SYBU: variants seen among roughly 807,000 people sequenced by gnomAD.
The protein encoded by SYBU is GOLSYN A protein.
A neutral mutation model predicts 35.9 loss-of-function variants in SYBU; 21 were observed. The observed-to-expected ratio is 0.58, with a 90% CI of 0.41 to 0.84. The LOEUF is 0.84. Ranked by LOEUF, SYBU falls within the 40% of genes least tolerant of loss-of-function variation. The pLI, the probability that SYBU is intolerant of heterozygous loss-of-function variation, is 0.00. For synonymous variants in SYBU, 319 were observed against 324.3 expected (o/e 0.98, Z 0.18); for missense variants, 768 against 848.2 (o/e 0.91, Z 1.17).
At chr8:109,607,347 A>G (rs1826167648) in intron 3 of SYBU, among the ~76,000 whole-genome samples, 1 of 152,182 alleles carries the variant, frequency 6.6e-6, no homozygotes, top group Non-Finnish European at 1.5e-5. Flanking sequence ...CTGGCCAGAG[A>G]GATGTGTTCT....
intron 3 of SYBU, among the ~76,000 whole-genome samples, chr8:109,609,377 T>C (rs994313867): frequency 6.6e-6 from 1 of 152,242 alleles, no homozygotes; most frequent in African/African-American, 2.4e-5. Context: ...ATTATTCCTA[T>C]GGTATGACTC....
chr8:109,591,079 C>G (rs1025325402), intron 3 of SYBU, among the ~76,000 whole-genome samples: 1 of 152,192 alleles, frequency 6.6e-6, no homozygotes, highest in Admixed American at 6.5e-5. Context: ...AGTTGTCCAT[C>G]GACAGTGACT....
chr8:109,581,133 C>G (rs765293402), intron 4 of SYBU: 2 of 152,266 alleles, frequency 1.3e-5, no homozygotes, highest in Non-Finnish European at 2.9e-5. Context: ...GGCGTCACAA[C>G]TGCATACTTA....
At chr8:109,635,054 C>A (rs1814064815) in intron 2 of SYBU, among the ~76,000 whole-genome samples, 1 of 152,120 alleles carries the variant, frequency 6.6e-6, no homozygotes, top group African/African-American at 2.4e-5. Context: ...ATTATCTGTT[C>A]CCCATCCCAG....
At chr8:109,616,592 T>C (rs1286237650) in intron 3 of SYBU, among the ~76,000 whole-genome samples, 1 of 151,964 alleles carries the variant, frequency 6.6e-6, no homozygotes, top group East Asian at 1.9e-4. Context: ...GCCATCACCA[T>C]AAAATGTTTT....
intron 1 of SYBU, among the ~76,000 whole-genome samples, chr8:109,676,252 C>A (rs145387547): frequency 9.6e-4 from 146 of 152,304 alleles, no homozygotes; most frequent in African/African-American, 3.4e-3. Flanking sequence ...TCCGTCATCA[C>A]TCCTATTCAA....
chr8:109,681,036 T>C (rs1053624229), upstream of SYBU: 7 of 152,238 alleles, frequency 4.6e-5, no homozygotes, highest in Admixed American at 3.9e-4. Flanking sequence ...GTATTTCCCT[T>C]GTGCACTAGT....
chr8:109,633,586 T>C (rs1813873263), intron 2 of SYBU, among the ~76,000 whole-genome samples: 1 of 152,120 alleles, frequency 6.6e-6, no homozygotes, highest in African/African-American at 2.4e-5. Context: ...GGCACCAGGT[T>C]AGGAGGCACT....
At chr8:109,663,856 G>T (rs887746649) in intron 1 of SYBU, among the ~76,000 whole-genome samples, 2 of 152,026 alleles carry the variant, frequency 1.3e-5, no homozygotes, top group African/African-American at 2.4e-5. Flanking sequence ...CTATACTTCT[G>T]ATTTAAAATT....
intron 3 of SYBU, among the ~76,000 whole-genome samples, chr8:109,612,983 AAAAAAAAAAAAAAGAAG>A (rs1169814108): frequency 2.0e-5 from 3 of 149,414 alleles, no homozygotes; most frequent in African/African-American, 4.9e-5. Context: ...CTGTTAAAAA[AAAAAAAAAAAAAAGAAG>A]AAGAAGAAAA....
At chr8:109,611,039 A>G (rs1811111421) in intron 3 of SYBU, among the ~76,000 whole-genome samples, 1 of 152,212 alleles carries the variant, frequency 6.6e-6, no homozygotes, top group South Asian at 2.1e-4. Context: ...TATCTGCATG[A>G]TCTACAATGC....
chr8:109,611,002 G>T, intron 3 of SYBU, among the ~76,000 whole-genome samples: 1 of 152,226 alleles, frequency 6.6e-6, no homozygotes, highest in East Asian at 1.9e-4. Context: ...CAATTAGGGA[G>T]GTGGGGAAAG....
chr8:109,621,658 T>C (rs544679661), intron 2 of SYBU, among the ~76,000 whole-genome samples: 93 of 152,330 alleles, frequency 6.1e-4, no homozygotes, highest in African/African-American at 2.0e-3. Context: ...TGGTGGAGTT[T>C]ATAAATAAGC....
chr8:109,604,112 G>A (rs1586803642), intron 3 of SYBU, among the ~76,000 whole-genome samples: 1 of 152,110 alleles, frequency 6.6e-6, no homozygotes, highest in African/African-American at 2.4e-5. Flanking sequence ...AAAAGAAAAC[G>A]TGATCTTATT....
intron 1 of SYBU, among the ~76,000 whole-genome samples, chr8:109,676,030 G>A (rs754218147): frequency 1.2e-4 from 19 of 152,208 alleles, no homozygotes; most frequent in Non-Finnish European, 2.2e-4. Context: ...CAGAGCCAAC[G>A]ACAAAAACCA....
chr8:109,636,763 T>C (rs1317941107), intron 2 of SYBU, among the ~76,000 whole-genome samples: 1 of 152,134 alleles, frequency 6.6e-6, no homozygotes, highest in Non-Finnish European at 1.5e-5. Flanking sequence ...AGAGGATAAA[T>C]AGGAAAATAA....
intron 1 of SYBU, chr8:109,643,978 T>A: frequency 2.6e-6 from 1 of 379,676 alleles, no homozygotes; most frequent in South Asian, 1.9e-5. Flanking sequence ...CCTCTGCCAC[T>A]GAAAGGGACT....
chr8:109,608,615 G>C (rs1826305805), intron 3 of SYBU, among the ~76,000 whole-genome samples: 1 of 152,160 alleles, frequency 6.6e-6, no homozygotes, highest in African/African-American at 2.4e-5. Flanking sequence ...AAAATGTTTA[G>C]TAAGCTTCCA....
intron 3 of SYBU, among the ~76,000 whole-genome samples, chr8:109,606,592 C>T (rs1392188721): frequency 1.3e-5 from 2 of 152,056 alleles, no homozygotes; most frequent in Non-Finnish European, 2.9e-5. Context: ...ACATGGTTTC[C>T]AGGGCTCCAA....
Sources: gnomAD v4.1 joint callset for allele counts (sites outside exome capture counted in the v4.1 genomes callset) on GRCh38, gnomAD v4.1.1 for gene constraint, MANE v1.5 for transcripts, NCBI Gene and HGNC (gene_info 2026-07-23, HGNC 2026-07-21) for gene names.